Variants in ZNF480 observed in about 807,000 individuals in gnomAD.
ZNF480 encodes zinc finger protein 480.
A neutral mutation model predicts 14.4 loss-of-function variants in ZNF480; 15 were observed. The ratio of observed to expected loss-of-function variants is 1.04; its 90% CI spans 0.70 to 1.60. The LOEUF (loss-of-function observed/expected upper bound fraction) is 1.60, where lower values mean the gene tolerates loss of function less well. Ranked by LOEUF, ZNF480 falls within the 40% of genes most tolerant of loss-of-function variation. The pLI, the probability that ZNF480 is intolerant of heterozygous loss-of-function variation, is 0.00. For synonymous variants in ZNF480, 218 were observed against 215.5 expected, an observed-to-expected ratio of 1.01 and a Z score of -0.10; for missense variants, 593 against 629.7, an observed-to-expected ratio of 0.94 and a Z score of 0.62.
intron 2 of ZNF480, among the ~76,000 whole-genome samples, chr19:52,310,952 C>T (rs1371523465): frequency 2.7e-5 from 4 of 146,022 alleles, no homozygotes; most frequent in Non-Finnish European, 5.9e-5. Context: ...TTACAGTGAG[C>T]CAAGATCACG....
chr19:52,313,353 G>T lies in ZNF480; in HGVS notation c.73-800G>T, dbSNP rs570729988. Among the ~76,000 whole-genome samples the T allele has an allele frequency of 1.5e-3, 221 of 151,190 alleles. 3 individuals are homozygous for T. The highest frequency in any genetic ancestry group is 6.9e-4 in the Non-Finnish European group (47 of 67,856). The stretch of plus-strand genomic sequence containing the variant: ...GGGTTTCACCATGTTGGCCAGACTG[G>T]TCTCTAACTCCTGACCTCAGGTCAT... On this transcript the variant is annotated intron_variant, in intron 2 of 4. Coordinates refer to ENST00000595962, the MANE Select transcript of ZNF480 (RefSeq NM_144684.4).
chr19:52,306,437 G>A (rs150726019), intron 2 of ZNF480, among the ~76,000 whole-genome samples: 13 of 152,186 alleles, frequency 8.5e-5, no homozygotes, highest in South Asian at 4.2e-4. Context: ...CCCAGCCACC[G>A]ACTCCCAAAA....
In ZNF480 at chr19:52,321,680, G is replaced by C. The variant is rs773223002; in HGVS notation, c.430G>C (p.Asp144His). 2 of 1,614,040 alleles carry C rather than the reference G, an allele frequency of 1.2e-6. No homozygotes were observed. The highest frequency in any genetic ancestry group is 8.5e-7 in the Non-Finnish European group (1 of 1,179,958). Residue 144 changes from aspartate (D) to histidine (H), a missense_variant, in exon 5 of 5, where the codon GAT becomes CAT. Transcript: ENST00000595962. ...LHLSELELFP[D>H]ERVINGCNQV... ...TCTGTCTGAACTGGAGCTATTTCCA[G>C]ATGAAAGGGTAATAAATGGATGTAA...
intron 1 of ZNF480, among the ~76,000 whole-genome samples, chr19:52,298,355 G>C (rs994402851): frequency 6.6e-6 from 1 of 152,144 alleles, no homozygotes; most frequent in Non-Finnish European, 1.5e-5. Context: ...AGGCAAGACC[G>C]GGCACAGTGG....
At chr19:52,302,584 A>G (rs1222494136) in intron 2 of ZNF480, among the ~76,000 whole-genome samples, 1 of 152,226 alleles carries the variant, frequency 6.6e-6, no homozygotes, top group Non-Finnish European at 1.5e-5. Flanking sequence ...ACACAGGCAG[A>G]AGAGTCCCTC....
chr19:52,316,079 T>C, intron 4 of ZNF480, 117 bp downstream of exon 4: 1 of 1,136,958 alleles, frequency 8.8e-7, no homozygotes, highest in Non-Finnish European at 1.2e-6. Context: ...GTTTTTGAGA[T>C]GGAGTTTCAC....
intron 2 of ZNF480, 71 bp from the exon 3 acceptor site, chr19:52,314,082 T>A: frequency 6.9e-7 from 1 of 1,454,480 alleles, no homozygotes; most frequent in Admixed American, 2.0e-5. Flanking sequence ...TCTTTACAAC[T>A]CCCTTCTCAT....
At position 52,322,336 on chromosome 19, in the gene ZNF480, G is replaced by C. The variant is rs753433635; in HGVS notation, c.1086G>C (p.Gln362His). ...FYRIALLVRH[Q>H]KIHTGEKPYK... Reference sequence around the variant, plus strand: ...GGATTGCGCTCCTTGTACGACATCAGAAAATTCATACTGGAGAGAAACCTT... The same window carrying C: ...GGATTGCGCTCCTTGTACGACATCACAAAATTCATACTGGAGAGAAACCTT... The change falls in exon 5 of 5, where the codon CAG (glutamine) becomes CAC (histidine). Residue 362 changes from glutamine to histidine, a missense_variant. By Grantham distance (24) the Gln-to-His change is conservative (BLOSUM62 0). Coordinates refer to ENST00000595962, the MANE Select transcript of ZNF480 (RefSeq NM_144684.4). 3 of 1,612,550 alleles carry C rather than the reference G, an allele frequency of 1.9e-6. No individual in the cohort carries two copies. The South Asian group carries it at 3.3e-5, about 18-fold the overall frequency.
chr19:52,304,471 T>C (rs1248821445), intron 2 of ZNF480, among the ~76,000 whole-genome samples: 1 of 152,142 alleles, frequency 6.6e-6, no homozygotes, highest in East Asian at 1.9e-4. Context: ...GTTCAGTAAC[T>C]AAGTCCTCTA....
chr19:52,312,858 T>C (rs1003118855), intron 2 of ZNF480, among the ~76,000 whole-genome samples: 1 of 152,160 alleles, frequency 6.6e-6, no homozygotes, highest in African/African-American at 2.4e-5. Flanking sequence ...TCTCACTCTG[T>C]AGCCCAGGCT....
intron 4 of ZNF480, among the ~76,000 whole-genome samples, chr19:52,318,289 A>G (rs1239295015): frequency 1.3e-5 from 2 of 151,576 alleles, no homozygotes; most frequent in East Asian, 1.9e-4. Context: ...TGTATCTTTA[A>G]TAGAGATGGG....
Position 52,300,595 on chromosome 19 carries a change from C to A in ZNF480, c.72+111C>A, listed in dbSNP as rs1982642684. The A allele has an allele frequency of 3.2e-6, 5 of 1,563,618 alleles. No individual in the cohort carries two copies. The African/African-American group carries it at 6.8e-5, about 21-fold the overall frequency. On this transcript the variant is annotated intron_variant, in intron 2 of 4. Transcript: ENST00000595962. ...AAGTGTCCTGCCTGACAGGTTTGCT[C>A]ACGCTTACCTATGCCTTCCCTCAGT...
chr19:52,309,271 AG>A (rs983310544), intron 2 of ZNF480, among the ~76,000 whole-genome samples: 1 of 152,106 alleles, frequency 6.6e-6, no homozygotes, highest in Non-Finnish European at 1.5e-5. Flanking sequence ...GAGACTCTGG[AG>A]GTCCCTCGCC....
At chr19:52,321,159 G>C (rs372178598) in intron 4 of ZNF480, among the ~76,000 whole-genome samples, 11 of 152,090 alleles carry the variant, frequency 7.2e-5, no homozygotes, top group East Asian at 3.9e-4. Context: ...TGGTCAGAGG[G>C]AGATCTTTTC....
intron 4 of ZNF480, among the ~76,000 whole-genome samples, chr19:52,319,820 T>G (rs1363507244): frequency 1.1e-3 from 118 of 104,134 alleles, no homozygotes; most frequent in Middle Eastern, 4.0e-3. Context: ...TGTTTTTTTT[T>G]TTTTTTTTTT....
At chr19:52,308,507 A>G (rs960108201) in intron 2 of ZNF480, among the ~76,000 whole-genome samples, 1 of 151,824 alleles carries the variant, frequency 6.6e-6, no homozygotes, top group African/African-American at 2.4e-5. Flanking sequence ...GGGTTTCAAC[A>G]TGTTGTCTAG....
intron 2 of ZNF480, among the ~76,000 whole-genome samples, chr19:52,309,227 G>T (rs1038155630): frequency 6.6e-6 from 1 of 152,176 alleles, no homozygotes; most frequent in African/African-American, 2.4e-5. Context: ...GTCTGGCTTG[G>T]TTCAGGGAAG....
rs1283959989 is a variant in ZNF480 at position 52,322,558 on chromosome 19, T to C, written c.1308T>C (p.Phe436=). ...PYKCNECGKA[F]SEYSGLSAHL... is the part of the protein sequence containing the mutation. Reference sequence around the variant, plus strand: ...AATGTAATGAATGTGGTAAAGCATTTAGTGAGTATTCAGGCCTTTCAGCCC... The same window carrying C: ...AATGTAATGAATGTGGTAAAGCATTCAGTGAGTATTCAGGCCTTTCAGCCC... Residue 436 remains phenylalanine (F), a synonymous_variant, in exon 5 of 5, where the codon TTT becomes TTC. Coordinates refer to ENST00000595962, the MANE Select transcript of ZNF480 (RefSeq NM_144684.4). 1.9e-6 allele frequency: 3 copies of C among 1,613,814 alleles called. No homozygotes were observed. Among genetic ancestry groups the C allele is most frequent in the East Asian group, 2.2e-5 (1 of 44,862 alleles).
intron 1 of ZNF480, among the ~76,000 whole-genome samples, chr19:52,299,641 C>G (rs1600211305): frequency 6.6e-6 from 1 of 152,134 alleles, no homozygotes; most frequent in East Asian, 1.9e-4. Flanking sequence ...ATGGAAGAAC[C>G]CTCCTAGCAA....
Sources: allele counts gnomAD v4.1 joint callset (sites outside exome capture counted in the v4.1 genomes callset), GRCh38; gene constraint gnomAD v4.1.1; transcripts MANE v1.5; gene names NCBI Gene and HGNC (gene_info 2026-07-23, HGNC 2026-07-21).